The following RUNX1 variants were observed in gnomAD, a reference collection of about 807,000 sequenced individuals.
RUNX1 encodes the protein RUNX family transcription factor 1.
In RUNX1, 19 loss-of-function variants were observed where a neutral mutation model predicts 42.8. The ratio of observed to expected loss-of-function variants is 0.44; its 90% CI spans 0.31 to 0.65. The LOEUF (loss-of-function observed/expected upper bound fraction) is 0.65. RUNX1 is among the 30% of genes least tolerant of loss of function. The pLI is 0.07. For synonymous variants in RUNX1, 271 were observed against 289.4 expected (o/e 0.94, Z 0.64); for missense variants, 528 against 672.0 (o/e 0.79, Z 2.37).
At chr21:34,795,280 A>G (rs1444168229) in intron 8 of RUNX1, among the ~76,000 whole-genome samples, 3 of 152,196 alleles carry the variant, frequency 2.0e-5, no homozygotes, top group African/African-American at 4.8e-5. Context: ...CAGTTGATCA[A>G]CTTCCTCATA....
intron 2 of RUNX1, among the ~76,000 whole-genome samples, chr21:34,926,117 TA>T (rs896309055): frequency 1.1e-4 from 17 of 152,150 alleles, no homozygotes; most frequent in Admixed American, 2.6e-4. Flanking sequence ...TATTTTCTAA[TA>T]AAAAAATTAT....
chr21:34,917,129 G>T (rs530587482), intron 2 of RUNX1, among the ~76,000 whole-genome samples: 1 of 152,292 alleles, frequency 6.6e-6, no homozygotes, highest in South Asian at 2.1e-4. Flanking sequence ...CATCACAGAA[G>T]GACTCTGAGC....
chr21:34,826,960 G>C (rs1297105620), intron 7 of RUNX1, among the ~76,000 whole-genome samples: 2 of 152,210 alleles, frequency 1.3e-5, no homozygotes, highest in African/African-American at 4.8e-5. Context: ...TCTGCCATTA[G>C]GGGCAATTCT....
intron 2 of RUNX1, among the ~76,000 whole-genome samples, chr21:34,929,686 T>C (rs1189455757): frequency 6.6e-6 from 1 of 152,152 alleles, no homozygotes; most frequent in African/African-American, 2.4e-5. Flanking sequence ...ACAAGTGACA[T>C]GAACAAAAAT....
At chr21:34,874,810 G>T (rs2057791238) in intron 5 of RUNX1, among the ~76,000 whole-genome samples, 1 of 152,090 alleles carries the variant, frequency 6.6e-6, no homozygotes, top group African/African-American at 2.4e-5. Context: ...ACCAGAGCAG[G>T]GTTGCAGCCG....
chr21:34,796,809 GAAAAA>G (rs964569302), intron 8 of RUNX1, among the ~76,000 whole-genome samples: 2 of 148,586 alleles, frequency 1.3e-5, no homozygotes, highest in Non-Finnish European at 3.0e-5. Flanking sequence ...TTTTGAAAAA[GAAAAA>G]AAAAAGTAAA....
At chr21:35,034,647 G>A (rs979721733) in intron 2 of RUNX1, among the ~76,000 whole-genome samples, 5 of 152,206 alleles carry the variant, frequency 3.3e-5, no homozygotes, top group African/African-American at 1.2e-4. Flanking sequence ...GTGGGTGTGG[G>A]CCAGGGATGC....
At chr21:35,038,613 C>CTCTCTCTG (rs1555835794) in intron 2 of RUNX1, 150 of 286,544 alleles carry the variant, frequency 5.2e-4, no homozygotes, top group Non-Finnish European at 7.6e-4. Context: ...CTCTCTCTCT[C>CTCTCTCTG]TGTGTGTGTG....
At chr21:35,038,496 A>G (rs2059327010) in intron 2 of RUNX1, 1 of 456,122 alleles carries the variant, frequency 2.2e-6, no homozygotes, top group South Asian at 1.6e-5. Flanking sequence ...ACACCTAGAG[A>G]AAGCTTCCTT....
intron 2 of RUNX1, among the ~76,000 whole-genome samples, chr21:35,029,275 AG>A (rs2146966986): frequency 6.6e-6 from 1 of 152,374 alleles, no homozygotes; most frequent in Non-Finnish European, 1.5e-5. Flanking sequence ...TATACTAGTA[AG>A]TTAGCTTAAC....
At chr21:34,873,658 G>A (rs1320738559) in intron 5 of RUNX1, among the ~76,000 whole-genome samples, 1 of 152,188 alleles carries the variant, frequency 6.6e-6, no homozygotes, top group African/African-American at 2.4e-5. Flanking sequence ...CACCTTCATT[G>A]GAGAACGTTC....
intron 5 of RUNX1, among the ~76,000 whole-genome samples, chr21:34,866,753 CGTACT>C (rs1356797852): frequency 6.6e-6 from 1 of 152,130 alleles, no homozygotes; most frequent in Non-Finnish European, 1.5e-5. Flanking sequence ...AAGATGTCGG[CGTACT>C]GTATATACTT....
intron 6 of RUNX1, among the ~76,000 whole-genome samples, chr21:34,840,498 A>G (rs1355826519): frequency 2.0e-5 from 3 of 152,226 alleles, no homozygotes; most frequent in African/African-American, 7.2e-5. Context: ...AAAAGCATCC[A>G]CAACAATTAC....
At chr21:34,800,437 G>A (rs1334672326) in intron 7 of RUNX1, among the ~76,000 whole-genome samples, 1 of 152,198 alleles carries the variant, frequency 6.6e-6, no homozygotes, top group South Asian at 2.1e-4. Flanking sequence ...TCCCAACTTT[G>A]TGGACAAAGA....
intron 2 of RUNX1, among the ~76,000 whole-genome samples, chr21:35,002,089 TCCC>T (rs1475229258): frequency 6.6e-6 from 1 of 152,000 alleles, no homozygotes; most frequent in Non-Finnish European, 1.5e-5. Context: ...TTCAGTGTAA[TCCC>T]CCATCAAAAT....
At chr21:35,016,374 T>A (rs896521811) in intron 2 of RUNX1, among the ~76,000 whole-genome samples, 1 of 152,160 alleles carries the variant, frequency 6.6e-6, no homozygotes, top group Non-Finnish European at 1.5e-5. Context: ...TGTTTGGGGC[T>A]TGAGTAAAGC....
intron 2 of RUNX1, among the ~76,000 whole-genome samples, chr21:35,037,429 A>C (rs1317050375): frequency 6.6e-6 from 1 of 152,254 alleles, no homozygotes; most frequent in Non-Finnish European, 1.5e-5. Context: ...TCAGAAAAGC[A>C]GTCCAGGATG....
chr21:35,027,869 T>G (rs1480683735), intron 2 of RUNX1, among the ~76,000 whole-genome samples: 1 of 152,242 alleles, frequency 6.6e-6, no homozygotes, highest in African/African-American at 2.4e-5. Context: ...GAGCCCATAT[T>G]TGAATATTCT....
intron 2 of RUNX1, among the ~76,000 whole-genome samples, chr21:34,964,171 C>T (rs78421948): frequency 0.026 from 3,922 of 152,240 alleles, 132 homozygotes; most frequent in African/African-American, 0.082. Context: ...ATGCCAACAG[C>T]AGCACCATGG....
Sources: allele counts gnomAD v4.1 joint callset (sites outside exome capture counted in the v4.1 genomes callset), GRCh38; gene constraint gnomAD v4.1.1; transcripts MANE v1.5; gene names NCBI Gene and HGNC (gene_info 2026-07-23, HGNC 2026-07-21).